The following OSBPL8 variants were observed in gnomAD, a reference collection of about 807,000 sequenced individuals.
OSBPL8 encodes oxysterol-binding protein-related protein 8.
OSBPL8 carries 59 observed loss-of-function variants against 125.5 expected under a neutral mutation model. The ratio of observed to expected loss-of-function variants is 0.47; its 90% CI spans 0.38 to 0.58. The LOEUF is 0.58. Among genes scored for constraint, OSBPL8 ranks in the 20% least tolerant of loss-of-function variants. OSBPL8 has a pLI of 0.00. For missense variants in OSBPL8, 758 were observed against 1,047.8 expected (o/e 0.72, Z 3.82); for synonymous variants, 330 against 338.9 (o/e 0.97, Z 0.29).
At chr12:76,432,908 A>G (rs1871014038) in intron 4 of OSBPL8, among the ~76,000 whole-genome samples, 1 of 152,204 alleles carries the variant, frequency 6.6e-6, no homozygotes, top group South Asian at 2.1e-4. Context: ...AGAATCATAC[A>G]CTATGGTCAA....
intron 1 of OSBPL8, among the ~76,000 whole-genome samples, chr12:76,516,664 A>T (rs1460401457): frequency 6.6e-6 from 1 of 152,228 alleles, no homozygotes; most frequent in African/African-American, 2.4e-5. Flanking sequence ...CTTTGAAAAG[A>T]ATACAATTAA....
chr12:76,429,725 G>A (rs1173272316), intron 4 of OSBPL8, among the ~76,000 whole-genome samples: 1 of 152,048 alleles, frequency 6.6e-6, no homozygotes, highest in Non-Finnish European at 1.5e-5. Context: ...ATCTGGATGA[G>A]AGGCACATAT....
chr12:76,429,098 T>C (rs1870505311), intron 4 of OSBPL8, among the ~76,000 whole-genome samples: 1 of 152,072 alleles, frequency 6.6e-6, no homozygotes, highest in Non-Finnish European at 1.5e-5. Flanking sequence ...AAAACATTGC[T>C]GTAGATTCTC....
At chr12:76,361,996 T>A (rs73134984) in intron 21 of OSBPL8, among the ~76,000 whole-genome samples, 1 of 152,208 alleles carries the variant, frequency 6.6e-6, no homozygotes, top group Non-Finnish European at 1.5e-5. Context: ...ACAAGAAGTA[T>A]TCTCAATTAC....
intron 2 of OSBPL8, among the ~76,000 whole-genome samples, chr12:76,474,478 A>C (rs1302146922): frequency 2.0e-5 from 3 of 152,102 alleles, no homozygotes; most frequent in Non-Finnish European, 4.4e-5. Flanking sequence ...ATGTATAAAA[A>C]TAATATTAAT....
At chr12:76,552,762 A>G (rs574096617) in intron 1 of OSBPL8, among the ~76,000 whole-genome samples, 222 of 152,280 alleles carry the variant, frequency 1.5e-3, no homozygotes, top group African/African-American at 4.2e-3. Context: ...GCAATAGGCT[A>G]GTAAGTGGCT....
chr12:76,471,979 C>T (rs780844204), intron 2 of OSBPL8, among the ~76,000 whole-genome samples: 47 of 152,312 alleles, frequency 3.1e-4, no homozygotes, highest in Non-Finnish European at 6.3e-4. Flanking sequence ...ACTCAAATAA[C>T]TGACTCTTCT....
intron 1 of OSBPL8, among the ~76,000 whole-genome samples, chr12:76,551,969 A>C (rs1950950905): frequency 6.6e-6 from 1 of 152,184 alleles, no homozygotes; most frequent in Admixed American, 6.5e-5. Context: ...AAATTTAGGG[A>C]CTGTAGAACA....
intron 2 of OSBPL8, among the ~76,000 whole-genome samples, chr12:76,477,175 A>C (rs1198537717): frequency 3.3e-5 from 5 of 152,172 alleles, no homozygotes; most frequent in Non-Finnish European, 2.9e-5. Flanking sequence ...TTAGTTGCTT[A>C]AGGCTTAGAT....
At chr12:76,472,726 T>C (rs1441303989) in intron 2 of OSBPL8, among the ~76,000 whole-genome samples, 1 of 152,168 alleles carries the variant, frequency 6.6e-6, no homozygotes, top group African/African-American at 2.4e-5. Context: ...CAGAGACTTT[T>C]AGTATTTTCA....
At chr12:76,492,925 T>C (rs1347630709) in intron 1 of OSBPL8, among the ~76,000 whole-genome samples, 1 of 150,814 alleles carries the variant, frequency 6.6e-6, no homozygotes, top group Non-Finnish European at 1.5e-5. Flanking sequence ...TATATATAGA[T>C]ATATATAGAT....
intron 1 of OSBPL8, among the ~76,000 whole-genome samples, chr12:76,530,665 T>C (rs1413963938): frequency 6.6e-6 from 1 of 152,154 alleles, no homozygotes; most frequent in Non-Finnish European, 1.5e-5. Flanking sequence ...TTTTGTTCAG[T>C]GAGGTATTCC....
intron 17 of OSBPL8, among the ~76,000 whole-genome samples, chr12:76,374,214 ACT>A (rs1374615605): frequency 9.2e-5 from 14 of 152,184 alleles, no homozygotes; most frequent in Non-Finnish European, 1.5e-4. Context: ...ATCTGAATAT[ACT>A]ATTGTTCAAG....
chr12:76,377,935 C>T (rs1952892034), intron 16 of OSBPL8, among the ~76,000 whole-genome samples: 1 of 151,994 alleles, frequency 6.6e-6, no homozygotes, highest in Non-Finnish European at 1.5e-5. Context: ...CAGTTGGGTG[C>T]CTAGCATGTT....
chr12:76,434,573 T>C (rs1045880182), intron 4 of OSBPL8, among the ~76,000 whole-genome samples: 7 of 152,058 alleles, frequency 4.6e-5, no homozygotes, highest in South Asian at 2.1e-4. Context: ...ACTGAAAGAA[T>C]AGAAGAAAAT....
intron 21 of OSBPL8, among the ~76,000 whole-genome samples, chr12:76,367,776 A>G (rs1181525095): frequency 6.6e-6 from 1 of 152,148 alleles, no homozygotes; most frequent in African/African-American, 2.4e-5. Flanking sequence ...CTCTACAACA[A>G]TCTAGTTTGA....
At chr12:76,371,643 A>T in intron 18 of OSBPL8, 59 bp from the exon 19 acceptor site, 1 of 1,350,306 alleles carries the variant, frequency 7.4e-7, no homozygotes, top group Non-Finnish European at 9.7e-7. Context: ...GCAATTATAT[A>T]GTATAGTAAT....
At chr12:76,556,780 C>T (rs969196612) in intron 1 of OSBPL8, among the ~76,000 whole-genome samples, 2 of 152,166 alleles carry the variant, frequency 1.3e-5, no homozygotes, top group African/African-American at 4.8e-5. Context: ...TCTCCTGCCT[C>T]AGCCTCCCAA....
At chr12:76,410,472 C>G (rs755786215) in intron 5 of OSBPL8, 92 bp downstream of exon 5, 166 of 924,966 alleles carry the variant, frequency 1.8e-4, no homozygotes, top group Non-Finnish European at 2.6e-4. Context: ...ATAAAAACAT[C>G]ACAAAAAAGC....
Sources: allele counts gnomAD v4.1 joint callset (sites outside exome capture counted in the v4.1 genomes callset), GRCh38; gene constraint gnomAD v4.1.1; transcripts MANE v1.5; gene names NCBI Gene and HGNC (gene_info 2026-07-23, HGNC 2026-07-21).